KDM7A: variants seen among roughly 807,000 people sequenced by gnomAD.
KDM7A encodes lysine demethylase 7A.
In KDM7A, 28 loss-of-function variants were observed where a neutral mutation model predicts 114.8. The ratio of observed to expected loss-of-function variants is 0.24; its 90% CI spans 0.18 to 0.33. The LOEUF is 0.33. Among genes scored for constraint, KDM7A ranks in the 10% least tolerant of loss-of-function variants. The pLI is 1.00. For missense variants in KDM7A, 942 were observed against 1,142.5 expected (o/e 0.82, Z 2.53); for synonymous variants, 423 against 397.8 (o/e 1.06, Z -0.75).
chr7:140,157,883 T>C (rs1794475675), intron 1 of KDM7A, among the ~76,000 whole-genome samples: 1 of 150,984 alleles, frequency 6.6e-6, no homozygotes, highest in Non-Finnish European at 1.5e-5. Context: ...ACAGAAGAAT[T>C]GCTTGAACCC....
At chr7:140,170,194 C>G (rs985045109) in intron 1 of KDM7A, among the ~76,000 whole-genome samples, 1 of 152,012 alleles carries the variant, frequency 6.6e-6, no homozygotes, top group African/African-American at 2.4e-5. Flanking sequence ...ATTTATATAA[C>G]AAGGATGAAA....
rs140720302 is a variant in KDM7A at position 140,103,430 on chromosome 7, A to C, written c.1429-1270T>G. Among the ~76,000 whole-genome samples the C allele has an allele frequency of 3.0e-3, 448 of 150,756 alleles. 1 individual carries two copies. The highest frequency in any genetic ancestry group is 0.012 in the South Asian group (55 of 4,750). On this transcript the variant is annotated intron_variant, in intron 11 of 19. Transcript: ENST00000397560. ...CTGCACCCATTAACTTGTCATTTAC[A>C]TTAGGATTTCTCCTAATGTTATCCC...
chr7:140,131,808 A>T (rs1186020520), intron 3 of KDM7A, among the ~76,000 whole-genome samples: 1 of 152,216 alleles, frequency 6.6e-6, no homozygotes, highest in Non-Finnish European at 1.5e-5. Context: ...AAATATAGGT[A>T]CATTTTTTGC....
At chr7:140,141,893 C>CA (rs973122584) in intron 1 of KDM7A, among the ~76,000 whole-genome samples, 7 of 142,600 alleles carry the variant, frequency 4.9e-5, no homozygotes, top group East Asian at 4.1e-4. Context: ...GACTCTGTCT[C>CA]AAAAAAAAAG....
intron 1 of KDM7A, among the ~76,000 whole-genome samples, chr7:140,141,859 A>G (rs1794283707): frequency 6.6e-6 from 1 of 151,086 alleles, no homozygotes; most frequent in South Asian, 2.1e-4. Flanking sequence ...ACACCATTGC[A>G]CTCCAGCCTG....
At chr7:140,117,393 TAAG>T (rs1418948292) in intron 9 of KDM7A, among the ~76,000 whole-genome samples, 1 of 151,932 alleles carries the variant, frequency 6.6e-6, no homozygotes, top group Non-Finnish European at 1.5e-5. Context: ...TAATTTGTTT[TAAG>T]AAGTTAAAGA....
intron 14 of KDM7A, among the ~76,000 whole-genome samples, chr7:140,098,575 G>C (rs1039744720): frequency 1.3e-5 from 2 of 152,054 alleles, no homozygotes; most frequent in African/African-American, 4.8e-5. Flanking sequence ...CTTTTATTTT[G>C]GGGAGTAGAG....
At chr7:140,148,380 T>C (rs1041956588) in intron 1 of KDM7A, among the ~76,000 whole-genome samples, 2 of 141,728 alleles carry the variant, frequency 1.4e-5, no homozygotes, top group Non-Finnish European at 3.1e-5. Context: ...TTTACCTGTT[T>C]TTTGTTTTGT....
chr7:140,140,475 C>T (rs1029927544), intron 1 of KDM7A, among the ~76,000 whole-genome samples: 7 of 152,092 alleles, frequency 4.6e-5, no homozygotes, highest in African/African-American at 1.4e-4. Context: ...ACCAGTCACT[C>T]TGAGATTAAG....
intron 1 of KDM7A, among the ~76,000 whole-genome samples, chr7:140,166,868 A>G (rs748219422): frequency 1.3e-5 from 2 of 152,238 alleles, no homozygotes; most frequent in African/African-American, 4.8e-5. Flanking sequence ...ATTACATATC[A>G]GTTCCCTAAG....
intron 11 of KDM7A, among the ~76,000 whole-genome samples, chr7:140,110,172 A>G (rs764437089): frequency 3.3e-5 from 5 of 152,182 alleles, no homozygotes; most frequent in Non-Finnish European, 5.9e-5. Context: ...CTAAAAGTAA[A>G]GATTTATAGT....
At chr7:140,124,826 T>C in intron 6 of KDM7A, 43 bp from the exon 7 acceptor site, 1 of 1,231,064 alleles carries the variant, frequency 8.1e-7, no homozygotes, top group Non-Finnish European at 1.2e-6. Flanking sequence ...GCAAAAGCCA[T>C]ACTTAGGATA....
At chr7:140,112,997 G>A (rs975197063) in intron 10 of KDM7A, among the ~76,000 whole-genome samples, 8 of 152,292 alleles carry the variant, frequency 5.3e-5, no homozygotes, top group Admixed American at 2.0e-4. Context: ...ACGAGCATAG[G>A]CTTTGCAGTC....
intron 1 of KDM7A, among the ~76,000 whole-genome samples, chr7:140,163,186 G>A (rs1296875989): frequency 6.6e-6 from 1 of 151,904 alleles, no homozygotes; most frequent in African/African-American, 2.4e-5. Flanking sequence ...AGTAGAGACG[G>A]GGTTTCACCG....
chr7:140,113,875 G>A (rs1818470920), intron 9 of KDM7A, among the ~76,000 whole-genome samples: 1 of 152,106 alleles, frequency 6.6e-6, no homozygotes, highest in Non-Finnish European at 1.5e-5. Context: ...CAAACTCCTG[G>A]CTTCAAGCAG....
intron 1 of KDM7A, among the ~76,000 whole-genome samples, chr7:140,149,633 TAAAG>T (rs1399568881): frequency 6.6e-6 from 1 of 152,230 alleles, no homozygotes; most frequent in African/African-American, 2.4e-5. Flanking sequence ...CTACACAGAC[TAAAG>T]AAATTAGGAT....
Position 140,176,892 on chromosome 7 carries a change from C to A in KDM7A, c.46G>T (p.Ala16Ser). The A allele has an allele frequency of 1.7e-6, 2 of 1,193,334 alleles. No homozygotes were observed. The highest frequency in any genetic ancestry group is 2.1e-6 in the Non-Finnish European group (2 of 954,326). The allele number at this position is 1,193,334 out of a possible 1,614,324, so 73.9% of individuals were successfully genotyped here. Residue 16 changes from alanine (A) to serine (S), a missense_variant, in exon 1 of 20, where the codon GCC becomes TCC. Around this residue, in one of 4 missense-constraint regions of KDM7A, gnomAD observed 112 missense variants for 96.2 expected, o/e 1.16. Transcript: ENST00000397560. This position sits in a 1 kb window ranked among gnomAD's most constrained non-coding sequence, Gnocchi z 4.4. Reference sequence around the variant, plus strand: ...GCCACCGACACGGCTGCCGCGGCGGCTCCAGCTGCTGCTCCCGCGGCCACC... The same window carrying A: ...GCCACCGACACGGCTGCCGCGGCGGATCCAGCTGCTGCTCCCGCGGCCACC... ...AAVAAGAAAG[A>S]AAAAVSVAAP...
intron 1 of KDM7A, among the ~76,000 whole-genome samples, chr7:140,141,002 C>T (rs1794265898): frequency 6.6e-6 from 1 of 152,006 alleles, no homozygotes; most frequent in Non-Finnish European, 1.5e-5. Flanking sequence ...ATTCTAGTTC[C>T]ATAAACCAAC....
rs746398359 is a variant in KDM7A at position 140,176,824 on chromosome 7, C to G, written c.114G>C (p.Val38=). 1 of 1,359,632 alleles carries G rather than the reference C, an allele frequency of 7.4e-7. No homozygotes were observed. The highest frequency in any genetic ancestry group is 2.3e-5 in the Admixed American group (1 of 43,982). The allele number at this position is 1,359,632 out of a possible 1,614,324, so 84.2% of individuals were successfully genotyped here. The change falls in exon 1 of 20, where the codon GTG becomes GTC. Residue 38 remains valine (V), a synonymous_variant. Coordinates refer to ENST00000397560, the MANE Select transcript of KDM7A (RefSeq NM_030647.2). This position sits in a 1 kb window ranked among gnomAD's most constrained non-coding sequence, Gnocchi z 4.4. ...CGTACGGCTGCCGGCACACACAGTA[C>G]ACGGGCGGGGGCGGCGGAGGCGCCG... ...RASAPPPPPP[V]YCVCRQPYDV...
Sources: gnomAD v4.1 joint callset for allele counts (sites outside exome capture counted in the v4.1 genomes callset) on GRCh38, gnomAD v4.1.1 for gene constraint, gnomAD v4.1.1 regional missense constraint, Gnocchi (gnomAD v3.1) non-coding constraint, MANE v1.5 for transcripts, NCBI Gene and HGNC (gene_info 2026-07-23, HGNC 2026-07-21) for gene names.